CADM2: variants seen among roughly 807,000 people sequenced by gnomAD.
CADM2 encodes the protein cell adhesion molecule 2.
Under a neutral mutation model 49.8 loss-of-function variants are expected in CADM2, and 12 were observed. The observed-to-expected ratio is 0.24, with a 90% CI of 0.15 to 0.39. CADM2 has a LOEUF of 0.39. Among genes scored for constraint, CADM2 ranks in the 10% least tolerant of loss-of-function variants. CADM2 has a pLI of 1.00. For missense variants in CADM2, 378 were observed against 492.3 expected, an observed-to-expected ratio of 0.77 and a Z score of 2.20; for synonymous variants, 214 against 175.4, an observed-to-expected ratio of 1.22 and a Z score of -1.74.
intron 1 of CADM2, among the ~76,000 whole-genome samples, chr3:84,972,653 A>G (rs1169691510): frequency 6.6e-6 from 1 of 152,136 alleles, no homozygotes; most frequent in African/African-American, 2.4e-5. Flanking sequence ...ATTTCTGTGC[A>G]TTTCATGTAC....
chr3:85,100,427 A>G (rs1417349690), intron 1 of CADM2, among the ~76,000 whole-genome samples: 1 of 152,206 alleles, frequency 6.6e-6, no homozygotes. Flanking sequence ...ACATTTTCCA[A>G]AACATGCCTT....
At chr3:85,795,127 G>T (rs980489830) in intron 2 of CADM2, among the ~76,000 whole-genome samples, 5 of 151,886 alleles carry the variant, frequency 3.3e-5, no homozygotes, top group African/African-American at 1.2e-4. Flanking sequence ...TATTATTTTG[G>T]TAATTCTGAA....
In CADM2 at chr3:86,071,775, T is replaced by C. The variant is rs1174793494; in HGVS notation, c.*4992T>C. On this transcript the variant is annotated 3_prime_UTR_variant, in exon 10 of 10. Coordinates refer to ENST00000383699, the MANE Select transcript of CADM2 (RefSeq NM_001167675.2). Reference sequence around the variant, plus strand: ...TCATTAGCTTTTCCTAAAGGCAAAATATTATAACTTTATAAGAATAGTCCT... The same window carrying C: ...TCATTAGCTTTTCCTAAAGGCAAAACATTATAACTTTATAAGAATAGTCCT... The C allele has an allele frequency of 6.6e-6, 1 of 151,990 alleles. No homozygotes were observed. The highest frequency in any genetic ancestry group is 1.5e-5 in the Non-Finnish European group (1 of 67,898). 9.4% of individuals were successfully genotyped at this position (151,990 alleles called of 1,614,324 possible).
At chr3:85,627,802 T>A (rs1448121845) in intron 1 of CADM2, among the ~76,000 whole-genome samples, 2 of 152,048 alleles carry the variant, frequency 1.3e-5, no homozygotes, top group African/African-American at 4.8e-5. Context: ...CTTATTTTGG[T>A]TGCAAATGAG....
chr3:85,000,913 C>A (rs2033431766), intron 1 of CADM2, among the ~76,000 whole-genome samples: 1 of 151,980 alleles, frequency 6.6e-6, no homozygotes, highest in Non-Finnish European at 1.5e-5. Flanking sequence ...AAGTAAATGG[C>A]TTCACTGATG....
chr3:85,122,662 A>G (rs1365162218), intron 1 of CADM2, among the ~76,000 whole-genome samples: 1 of 151,946 alleles, frequency 6.6e-6, no homozygotes, highest in Non-Finnish European at 1.5e-5. Flanking sequence ...ATATATGTTT[A>G]TTTATTTATA....
intron 1 of CADM2, among the ~76,000 whole-genome samples, chr3:85,576,964 A>C (rs1341199619): frequency 6.6e-6 from 1 of 152,160 alleles, no homozygotes; most frequent in Non-Finnish European, 1.5e-5. Flanking sequence ...AATGGGGACA[A>C]GATCTTATTG....
At chr3:85,693,894 T>TAAA (rs533492777) in intron 1 of CADM2, among the ~76,000 whole-genome samples, 3 of 76,490 alleles carry the variant, frequency 3.9e-5, no homozygotes, top group African/African-American at 1.5e-4. Context: ...AGACTCCCTC[T>TAAA]AAAAAAAAAA....
intron 1 of CADM2, among the ~76,000 whole-genome samples, chr3:85,484,537 C>G (rs1352522573): frequency 6.6e-6 from 1 of 151,870 alleles, no homozygotes; most frequent in African/African-American, 2.4e-5. Flanking sequence ...TACATCCATA[C>G]TAACAAAGTT....
chr3:85,701,596 A>G (rs925125716), intron 1 of CADM2, among the ~76,000 whole-genome samples: 2 of 152,134 alleles, frequency 1.3e-5, no homozygotes, highest in African/African-American at 2.4e-5. Context: ...ATTTGCAGCC[A>G]TGGTTTAGAA....
intron 1 of CADM2, among the ~76,000 whole-genome samples, chr3:85,318,293 A>G (rs997002959): frequency 6.6e-5 from 10 of 152,148 alleles, no homozygotes; most frequent in African/African-American, 1.9e-4. Flanking sequence ...ATGAAGCAGT[A>G]CAACCTAGAC....
intron 2 of CADM2, among the ~76,000 whole-genome samples, chr3:85,785,001 T>G (rs139666220): frequency 2.0e-3 from 309 of 152,282 alleles, no homozygotes; most frequent in Non-Finnish European, 3.5e-3. Context: ...TTCTTCATGA[T>G]TCAATCTTGG....
chr3:85,643,577 G>A (rs1317490876), intron 1 of CADM2, among the ~76,000 whole-genome samples: 3 of 152,026 alleles, frequency 2.0e-5, no homozygotes, highest in African/African-American at 7.2e-5. Flanking sequence ...TAAATAATGG[G>A]GGAGGGGAGT....
At chr3:85,368,318 C>T (rs1353837300) in intron 1 of CADM2, among the ~76,000 whole-genome samples, 1 of 151,940 alleles carries the variant, frequency 6.6e-6, no homozygotes, top group Non-Finnish European at 1.5e-5. Context: ...CAAAAAATGA[C>T]AGTGTTGAAA....
chr3:85,513,044 A>G (rs1018574801), intron 1 of CADM2, among the ~76,000 whole-genome samples: 34 of 152,094 alleles, frequency 2.2e-4, no homozygotes, highest in Non-Finnish European at 1.0e-4. Context: ...GATACGTGTA[A>G]TATCTAAATT....
intron 1 of CADM2, among the ~76,000 whole-genome samples, chr3:85,236,524 A>G (rs1194353668): frequency 6.6e-6 from 1 of 152,104 alleles, no homozygotes; most frequent in Non-Finnish European, 1.5e-5. Context: ...ATTGCAAAGG[A>G]TGTAATTAGA....
intron 5 of CADM2, among the ~76,000 whole-genome samples, chr3:85,905,094 T>A (rs907398228): frequency 6.6e-6 from 1 of 152,146 alleles, no homozygotes; most frequent in Non-Finnish European, 1.5e-5. Flanking sequence ...TTCTCTTTAG[T>A]GATATTGCCA....
At position 85,813,130 on chromosome 3, in the gene CADM2, C is replaced by G. The variant is rs576056969; in HGVS notation, c.238+10934C>G. On this transcript the variant is annotated intron_variant, in intron 3 of 9. Transcript: ENST00000383699. The stretch of plus-strand genomic sequence containing the variant: ...GATCCTTGAGGAATCACCACACTGT[C>G]TTCCACAATGGTTGAACTAATTTAC... 2.0e-5 allele frequency among the ~76,000 whole-genome samples: 3 copies of G among 152,288 alleles called. 1 individual carries two copies. The South Asian group carries it at 6.2e-4, about 32-fold the overall frequency.
intron 1 of CADM2, among the ~76,000 whole-genome samples, chr3:85,603,551 T>C (rs1326609747): frequency 6.6e-6 from 1 of 151,826 alleles, no homozygotes; most frequent in Non-Finnish European, 1.5e-5. Context: ...ACATTCTTTT[T>C]TTTCCCCAGG....
Sources: allele counts gnomAD v4.1 joint callset (sites outside exome capture counted in the v4.1 genomes callset), GRCh38; gene constraint gnomAD v4.1.1; transcripts MANE v1.5; gene names NCBI Gene and HGNC (gene_info 2026-07-23, HGNC 2026-07-21).